The following ZNF710 variants were observed in gnomAD, a reference collection of about 807,000 sequenced individuals.
ZNF710 encodes zinc finger protein 710.
In ZNF710, 13 loss-of-function variants were observed where a neutral mutation model predicts 50.6. The ratio of observed to expected loss-of-function variants is 0.26; its 90% CI spans 0.17 to 0.41. ZNF710 has a LOEUF of 0.41. Ranked by LOEUF, ZNF710 falls within the 10% of genes least tolerant of loss-of-function variation. The pLI is 1.00. For missense variants in ZNF710, 721 were observed against 936.6 expected, an observed-to-expected ratio of 0.77 and a Z score of 3.01; for synonymous variants, 383 against 397.0, an observed-to-expected ratio of 0.96 and a Z score of 0.42.
intron 1 of ZNF710, among the ~76,000 whole-genome samples, chr15:90,004,135 C>T (rs1898081560): frequency 6.6e-6 from 1 of 152,086 alleles, no homozygotes; most frequent in Admixed American, 6.6e-5. Context: ...CATTTCCTAC[C>T]AGGGAGACTT....
chr15:90,075,072 C>T (rs1190384034), intron 4 of ZNF710: 1 of 160,316 alleles, frequency 6.2e-6, no homozygotes, highest in Admixed American at 6.0e-5. Flanking sequence ...GCCTTTCCCT[C>T]CAGCAGTGGT....
intron 1 of ZNF710, among the ~76,000 whole-genome samples, chr15:90,043,784 C>T (rs1056048275): frequency 7.9e-5 from 12 of 152,252 alleles, no homozygotes; most frequent in African/African-American, 2.2e-4. Flanking sequence ...TTCTCTCCCC[C>T]GCCCTTTGTG....
At chr15:90,041,282 C>T (rs1899287573) in intron 1 of ZNF710, among the ~76,000 whole-genome samples, 2 of 152,152 alleles carry the variant, frequency 1.3e-5, no homozygotes, top group Non-Finnish European at 2.9e-5. Context: ...GCTCCAACAT[C>T]TGGGCTCAAG....
chr15:90,052,251 T>C (rs925436344), intron 1 of ZNF710, among the ~76,000 whole-genome samples: 3 of 149,218 alleles, frequency 2.0e-5, no homozygotes, highest in African/African-American at 7.5e-5. Context: ...CCCATGTGAC[T>C]TTTTTTTGTC....
At chr15:90,042,900 C>T (rs900215572) in intron 1 of ZNF710, among the ~76,000 whole-genome samples, 4 of 152,216 alleles carry the variant, frequency 2.6e-5, no homozygotes, top group African/African-American at 9.6e-5. Context: ...GGCGGTGACC[C>T]GTGATGTGAG....
At chr15:90,051,580 C>T (rs1485586499) in intron 1 of ZNF710, among the ~76,000 whole-genome samples, 1 of 152,076 alleles carries the variant, frequency 6.6e-6, no homozygotes, top group Non-Finnish European at 1.5e-5. Flanking sequence ...TTGCAGTGAG[C>T]TGAGATGGCG....
Position 90,034,654 on chromosome 15 carries a change from C to T in ZNF710, c.-28-32456C>T, listed in dbSNP as rs1324927332. Among the ~76,000 whole-genome samples the T allele has an allele frequency of 6.6e-6, 1 of 152,156 alleles. No homozygotes were observed. Among genetic ancestry groups the T allele is most frequent in the Admixed American group, 6.5e-5 (1 of 15,284 alleles). On this transcript the variant is annotated intron_variant, in intron 1 of 4. Coordinates refer to ENST00000268154, the MANE Select transcript of ZNF710 (RefSeq NM_198526.4). This position sits in a 1 kb window ranked among gnomAD's most constrained non-coding sequence, Gnocchi z 4.0. ...TGCCTCACCCGCCAGCTCTTCTCAC[C>T]CCTTCTGAGAGGCCCGCCTGCTCTC... is the stretch of plus-strand genomic sequence containing the variant.
intron 1 of ZNF710, among the ~76,000 whole-genome samples, chr15:90,011,057 A>G (rs543010038): frequency 6.6e-6 from 1 of 151,452 alleles, no homozygotes; most frequent in African/African-American, 2.4e-5. Context: ...CAGCCTCCCA[A>G]ATAGCTGGGA....
intron 1 of ZNF710, among the ~76,000 whole-genome samples, chr15:90,009,210 G>C (rs1223029522): frequency 1.3e-5 from 2 of 152,074 alleles, no homozygotes; most frequent in East Asian, 3.9e-4. Flanking sequence ...TCCTGCATGT[G>C]TTTGGTAAAA....
rs1404155268 is a variant in ZNF710 at position 90,020,263 on chromosome 15, C to A, written c.-29+18649C>A. Among the ~76,000 whole-genome samples the A allele has an allele frequency of 3.3e-5, 5 of 152,188 alleles. No individual in the cohort carries two copies. The East Asian group carries it at 9.6e-4, about 29-fold the overall frequency. On this transcript the variant is annotated intron_variant, in intron 1 of 4. Transcript: ENST00000268154. Reference sequence around the variant, plus strand: ...CCCTTCCTGTGGGCTGAGCTTCTTTCTTCCCTTTTCTCTCCTGCCGGGACC... The same window carrying A: ...CCCTTCCTGTGGGCTGAGCTTCTTTATTCCCTTTTCTCTCCTGCCGGGACC...
At chr15:90,031,943 T>G (rs548112283) in intron 1 of ZNF710, among the ~76,000 whole-genome samples, 29 of 152,378 alleles carry the variant, frequency 1.9e-4, no homozygotes, top group African/African-American at 7.0e-4. Context: ...AAGCCCATTT[T>G]CATCTGAAGG....
At chr15:90,065,500 A>G (rs1900140040) in intron 1 of ZNF710, among the ~76,000 whole-genome samples, 1 of 152,204 alleles carries the variant, frequency 6.6e-6, no homozygotes, top group Non-Finnish European at 1.5e-5. Flanking sequence ...GCAGGCCAGG[A>G]GAGCCGGGAT....
chr15:90,034,358 G>C lies in ZNF710; in HGVS notation c.-29+32744G>C, dbSNP rs1162085931. ...GAATTCTTTGTGCTGTTTTGTCTAT[G>C]TTATTTGAAAAAGTGGATTGCATTG... On this transcript the variant is annotated intron_variant, in intron 1 of 4. Coordinates refer to ENST00000268154, the MANE Select transcript of ZNF710 (RefSeq NM_198526.4). The surrounding 1 kb of genome is among the most constrained non-coding windows in gnomAD (Gnocchi z 4.0). Among the ~76,000 whole-genome samples, 1 of 151,870 alleles carries C rather than the reference G, an allele frequency of 6.6e-6. No homozygotes were observed. Among genetic ancestry groups the C allele is most frequent in the Non-Finnish European group, 1.5e-5 (1 of 67,986 alleles).
At position 90,034,309 on chromosome 15, in the gene ZNF710, A is replaced by C. The variant is rs1294552056; in HGVS notation, c.-29+32695A>C. On this transcript the variant is annotated intron_variant, in intron 1 of 4. Transcript: ENST00000268154. This position sits in a 1 kb window ranked among gnomAD's most constrained non-coding sequence, Gnocchi z 4.0. Reference sequence around the variant, plus strand: ...ATATCACATGCAAGAGGCTCTACACATGGTCTGCACTCAGGAAAGGGAGGA... The same window carrying C: ...ATATCACATGCAAGAGGCTCTACACCTGGTCTGCACTCAGGAAAGGGAGGA... 6.6e-6 allele frequency among the ~76,000 whole-genome samples: 1 copy of C among 152,108 alleles called. No homozygotes were observed. The highest frequency in any genetic ancestry group is 2.4e-5 in the African/African-American group (1 of 41,418).
Position 90,068,617 on chromosome 15 carries a change from G to T in ZNF710, c.1458+22G>T, listed in dbSNP as rs1259415774. The T allele has an allele frequency of 1.3e-6, 2 of 1,558,432 alleles. No individual in the cohort carries two copies. The highest frequency in any genetic ancestry group is 1.7e-6 in the Non-Finnish European group (2 of 1,153,184). On this transcript the variant is annotated intron_variant, in intron 2 of 4. Transcript: ENST00000268154. This position sits in a 1 kb window ranked among gnomAD's most constrained non-coding sequence, Gnocchi z 5.0. ...CAAGGTAAGGCCGTTCCCAGGGCCTGGGCATCTGCCTGCCCCTCCTGCCAC... is the reference window on the plus strand; with the variant it reads ...CAAGGTAAGGCCGTTCCCAGGGCCTTGGCATCTGCCTGCCCCTCCTGCCAC...
At chr15:90,052,858 G>T (rs1174825927) in intron 1 of ZNF710, among the ~76,000 whole-genome samples, 2 of 152,188 alleles carry the variant, frequency 1.3e-5, no homozygotes, top group Admixed American at 6.5e-5. Context: ...GCTTGAACCG[G>T]GGAGGCGGAG....
In ZNF710 at chr15:90,071,855, T is replaced by C. The variant is rs144928014; in HGVS notation, c.1459-1216T>C. On this transcript the variant is annotated intron_variant, in intron 2 of 4. Transcript: ENST00000268154. ...CACGCTCAGCTAATTATTGTATTTT[T>C]AGTAGAGATAGGGTTTCACCATGTT... is the stretch of plus-strand genomic sequence containing the variant. 9.9e-3 allele frequency among the ~76,000 whole-genome samples: 1,499 copies of C among 152,108 alleles called. 9 individuals carry two copies. The highest frequency in any genetic ancestry group is 0.016 in the Non-Finnish European group (1,083 of 68,010).
intron 1 of ZNF710, among the ~76,000 whole-genome samples, chr15:90,027,928 A>G (rs536061952): frequency 6.6e-6 from 1 of 152,312 alleles, no homozygotes; most frequent in South Asian, 2.1e-4. Context: ...CCTAAAGAAA[A>G]TGCCAAATGG....
intron 1 of ZNF710, among the ~76,000 whole-genome samples, chr15:90,031,495 T>TAG (rs1898948665): frequency 6.6e-6 from 1 of 152,220 alleles, no homozygotes; most frequent in Admixed American, 6.5e-5. Context: ...ATCGGAAGAC[T>TAG]AGAGAGGTTA....
Sources: gnomAD v4.1 joint callset for allele counts (sites outside exome capture counted in the v4.1 genomes callset) on GRCh38, gnomAD v4.1.1 for gene constraint, Gnocchi (gnomAD v3.1) non-coding constraint, MANE v1.5 for transcripts, NCBI Gene and HGNC (gene_info 2026-07-23, HGNC 2026-07-21) for gene names.